The following HYDIN variants were observed in gnomAD, a reference collection of about 807,000 sequenced individuals.
HYDIN encodes axonemal central pair apparatus protein HYDIN.
HYDIN carries 132 observed loss-of-function variants against 403.9 expected under a neutral mutation model. That is an observed-to-expected ratio of 0.33 (90% CI 0.28 to 0.38). The LOEUF is 0.38. Ranked by LOEUF, HYDIN falls within the 10% of genes least tolerant of loss-of-function variation. The pLI, the probability that HYDIN is intolerant of heterozygous loss-of-function variation, is 1.00. For missense variants in HYDIN, 2,827 were observed against 5,009.5 expected (o/e 0.56, Z 13.15); for synonymous variants, 1,202 against 1,891.7 (o/e 0.64, Z 9.46).
At chr16:71,209,352 T>C (rs1251016993) in intron 1 of HYDIN, among the ~76,000 whole-genome samples, 4 of 151,842 alleles carry the variant, frequency 2.6e-5, no homozygotes, top group African/African-American at 4.8e-5. Context: ...CATCCCTTCA[T>C]GTTGAAAACC....
At chr16:70,992,928 T>C (rs944410411) in intron 23 of HYDIN, among the ~76,000 whole-genome samples, 4 of 152,228 alleles carry the variant, frequency 2.6e-5, no homozygotes, top group African/African-American at 9.6e-5. Flanking sequence ...TTCTTCCTGT[T>C]TCCCCTTGGT....
intron 4 of HYDIN, among the ~76,000 whole-genome samples, chr16:71,176,656 C>G (rs762713661): frequency 6.6e-6 from 1 of 152,234 alleles, no homozygotes; most frequent in Admixed American, 6.5e-5. Flanking sequence ...CAAAGAGCAG[C>G]AGGAGATCCC....
At chr16:71,126,091 G>C (rs1053353893) in intron 9 of HYDIN, among the ~76,000 whole-genome samples, 3 of 152,044 alleles carry the variant, frequency 2.0e-5, no homozygotes, top group Non-Finnish European at 4.4e-5. Flanking sequence ...AAGCTTATTT[G>C]ACCACAGAAC....
intron 5 of HYDIN, among the ~76,000 whole-genome samples, chr16:71,165,769 TGAG>T (rs1480684029): frequency 1.3e-5 from 2 of 151,224 alleles, no homozygotes; most frequent in Non-Finnish European, 2.9e-5. Flanking sequence ...AAGGCCTCTA[TGAG>T]GAGGTGACAC....
Position 70,894,465 on chromosome 16 carries a change from A to T in HYDIN, c.9232T>A (p.Tyr3078Asn), listed in dbSNP as rs1347921999. The T allele has an allele frequency of 1.6e-5, 25 of 1,590,024 alleles. No individual in the cohort carries two copies. The Middle Eastern group carries it at 6.7e-4, about 43-fold the overall frequency. The change falls in exon 55 of 86, where the codon TAT (tyrosine) becomes AAT (asparagine). Residue 3078 changes from tyrosine to asparagine, a missense_variant. Transcript: ENST00000393567. ...TCCAGTTACCTGAACGCGATCTCAT[A>T]TTTCCCACGGTTCTTCAATTGCAGG... ...QPLQLKNRGK[Y>N]EIAFSFSVDS...
chr16:71,115,867 T>C (rs1465957541), intron 9 of HYDIN, 72 bp from the exon 10 acceptor site: 2 of 846,256 alleles, frequency 2.4e-6, no homozygotes, highest in African/African-American at 3.4e-5. Flanking sequence ...TGTTATTACA[T>C]TAAAACTCCA....
intron 1 of HYDIN, 118 bp downstream of exon 1, chr16:71,230,444 G>C (rs1045634565): frequency 8.0e-7 from 1 of 1,256,910 alleles, no homozygotes; most frequent in Admixed American, 2.8e-5. Flanking sequence ...GAGGGGTCTG[G>C]AAAGTCTGGA....
chr16:70,933,350 G>C (rs1382345065), intron 45 of HYDIN, among the ~76,000 whole-genome samples: 3 of 149,708 alleles, frequency 2.0e-5, no homozygotes, highest in Non-Finnish European at 4.5e-5. Flanking sequence ...ATAGGGCCAG[G>C]AAGAGGTCTG....
chr16:70,807,654 C>T lies in HYDIN; in HGVS notation c.15292G>A (p.Val5098Met). The change falls in exon 86 of 86, where the codon GTG becomes ATG. Residue 5098 changes from valine to methionine, a missense_variant. Coordinates refer to ENST00000393567, the MANE Select transcript of HYDIN (RefSeq NM_001270974.2). ...SKTPITTKLT[V>M]SCPPGEGSET... The stretch of plus-strand genomic sequence containing the variant: ...CTCCCTTCACCAGGAGGGCAGCTCA[C>T]AGTCAGCTTGGTGGTGATGGGGGTT... The T allele has an allele frequency of 6.2e-7, 1 of 1,614,188 alleles. No homozygotes were observed. Among genetic ancestry groups the T allele is most frequent in the Non-Finnish European group, 8.5e-7 (1 of 1,180,018 alleles).
At chr16:71,025,841 A>C (rs2080672304) in intron 20 of HYDIN, among the ~76,000 whole-genome samples, 1 of 152,158 alleles carries the variant, frequency 6.6e-6, no homozygotes, top group Non-Finnish European at 1.5e-5. Flanking sequence ...TATAGTTCAA[A>C]GGTGGTTATA....
rs778301114 is a variant in HYDIN, at chr16:71,020,342, C to T, written c.3187-25G>A. 6.2e-6 allele frequency: 10 copies of T among 1,606,920 alleles called. No individual in the cohort carries two copies. In the South Asian group the frequency reaches 7.8e-5, roughly 13 times the overall value. On this transcript the variant is annotated intron_variant, in intron 21 of 85. Coordinates refer to ENST00000393567, the MANE Select transcript of HYDIN (RefSeq NM_001270974.2). Reference sequence around the variant, plus strand: ...TCTGCAAAAACAGAAAAAGAGGAAACAAATCAACTTATGGTAAATACAGTA... The same window carrying T: ...TCTGCAAAAACAGAAAAAGAGGAAATAAATCAACTTATGGTAAATACAGTA...
intron 44 of HYDIN, 37 bp from the exon 45 acceptor site, chr16:70,936,151 GCCC>G: frequency 1.8e-6 from 2 of 1,137,592 alleles, no homozygotes; most frequent in Non-Finnish European, 2.6e-6. Flanking sequence ...CAGTTCAGGG[GCCC>G]CCATGCCTCA....
intron 23 of HYDIN, among the ~76,000 whole-genome samples, chr16:70,992,482 A>G: frequency 7.0e-6 from 1 of 143,614 alleles, no homozygotes; most frequent in East Asian, 2.0e-4. Context: ...TTTCACACTT[A>G]TTTTTACCAT....
rs1430980684 is a variant in HYDIN at position 71,175,689 on chromosome 16, ATTACT to A, written c.429_433del (p.Lys143AsnfsTer39). ...TTTGTGGCCAATATCTTTGGGGCTG[ATTACT>A]TTAAAGTAAGGCGAACTTTCTTCCA... On this transcript the variant is annotated frameshift_variant, in exon 5 of 86. Transcript: ENST00000393567. LOFTEE classifies it high-confidence loss of function. The A allele has an allele frequency of 3.7e-6, 6 of 1,614,192 alleles. No individual in the cohort carries two copies. Among genetic ancestry groups the A allele is most frequent in the Non-Finnish European group, 5.1e-6 (6 of 1,179,988 alleles).
intron 18 of HYDIN, among the ~76,000 whole-genome samples, chr16:71,042,605 G>T (rs1236726041): frequency 6.6e-6 from 1 of 152,138 alleles, no homozygotes; most frequent in East Asian, 1.9e-4. Context: ...AATGGTCTAT[G>T]ACGACGTTTC....
At chr16:71,073,142 A>G (rs2082521780) in intron 13 of HYDIN, among the ~76,000 whole-genome samples, 1 of 152,200 alleles carries the variant, frequency 6.6e-6, no homozygotes, top group African/African-American at 2.4e-5. Context: ...GACTTTACCC[A>G]CAGTAGATAG....
intron 23 of HYDIN, among the ~76,000 whole-genome samples, chr16:70,995,405 C>G (rs927645727): frequency 2.0e-5 from 3 of 152,184 alleles, no homozygotes; most frequent in Non-Finnish European, 4.4e-5. Flanking sequence ...TTCCCTGTAG[C>G]TGCCAGAGAA....
At chr16:71,213,588 A>G (rs1954741779) in intron 1 of HYDIN, among the ~76,000 whole-genome samples, 1 of 152,176 alleles carries the variant, frequency 6.6e-6, no homozygotes, top group South Asian at 2.1e-4. Flanking sequence ...CTAATCCAGC[A>G]ATAACATATT....
chr16:71,117,820 C>T (rs2084098719), intron 9 of HYDIN, among the ~76,000 whole-genome samples: 2 of 152,030 alleles, frequency 1.3e-5, no homozygotes, highest in South Asian at 4.2e-4. Context: ...AAATAAAAAT[C>T]TAGAGCCAAT....
Sources: gnomAD v4.1 joint callset for allele counts (sites outside exome capture counted in the v4.1 genomes callset) on GRCh38, gnomAD v4.1.1 for gene constraint, MANE v1.5 for transcripts, NCBI Gene and HGNC (gene_info 2026-07-23, HGNC 2026-07-21) for gene names.